Variants in CAMTA1 observed in about 807,000 individuals in gnomAD.
CAMTA1 encodes the protein calmodulin binding transcription activator 1, also known as calmodulin-binding transcription activator 1.
CAMTA1 carries 27 observed loss-of-function variants against 170.9 expected under a neutral mutation model. The ratio of observed to expected loss-of-function variants is 0.16; its 90% CI spans 0.12 to 0.22. The LOEUF is 0.22. Ranked by LOEUF, CAMTA1 falls within the 10% of genes least tolerant of loss-of-function variation. The probability of loss-of-function intolerance (pLI) is 1.00; values close to 1 mark genes in which losing one functional copy is unlikely to be tolerated. For missense variants in CAMTA1, 1,619 were observed against 2,217.2 expected, an observed-to-expected ratio of 0.73 and a Z score of 5.42; for synonymous variants, 833 against 891.5, an observed-to-expected ratio of 0.93 and a Z score of 1.17.
At chr1:7,715,837 G>A (rs1406611127) in intron 11 of CAMTA1, among the ~76,000 whole-genome samples, 3 of 152,160 alleles carry the variant, frequency 2.0e-5, no homozygotes, top group African/African-American at 4.8e-5. Flanking sequence ...ATAAGGAGCC[G>A]AGACATGAAA....
chr1:7,304,767 C>T (rs1675329122), intron 5 of CAMTA1, among the ~76,000 whole-genome samples: 1 of 151,748 alleles, frequency 6.6e-6, no homozygotes, highest in Non-Finnish European at 1.5e-5. Flanking sequence ...TTATATATTA[C>T]AGAAATTAAC....
At chr1:7,206,300 G>T (rs1657726108) in intron 4 of CAMTA1, among the ~76,000 whole-genome samples, 1 of 152,166 alleles carries the variant, frequency 6.6e-6, no homozygotes, top group South Asian at 2.1e-4. Flanking sequence ...CATCCAAGAA[G>T]AATTTATGTC....
chr1:6,922,832 T>C (rs1179946583), intron 3 of CAMTA1, among the ~76,000 whole-genome samples: 1 of 151,776 alleles, frequency 6.6e-6, no homozygotes, highest in Admixed American at 6.6e-5. Context: ...CAAAGCGCCC[T>C]AGGGAGGGCC....
intron 3 of CAMTA1, among the ~76,000 whole-genome samples, chr1:7,090,711 G>A (rs916641943): frequency 4.6e-5 from 7 of 152,050 alleles, no homozygotes; most frequent in East Asian, 1.9e-4. Context: ...CTCTGCTGAC[G>A]TTGCTCTTCT....
intron 3 of CAMTA1, among the ~76,000 whole-genome samples, chr1:6,878,844 CAT>C (rs1243154804): frequency 6.6e-6 from 1 of 152,224 alleles, no homozygotes; most frequent in African/African-American, 2.4e-5. Flanking sequence ...CTTTGTCACA[CAT>C]GTCATTTTCA....
intron 3 of CAMTA1, among the ~76,000 whole-genome samples, chr1:6,884,260 A>G (rs1004869056): frequency 6.7e-6 from 1 of 149,676 alleles, no homozygotes; most frequent in African/African-American, 2.5e-5. Flanking sequence ...GCAGCCTTTT[A>G]CCATGCAGAG....
At chr1:7,449,964 A>AG (rs1315635814) in intron 5 of CAMTA1, among the ~76,000 whole-genome samples, 1 of 151,972 alleles carries the variant, frequency 6.6e-6, no homozygotes, top group Non-Finnish European at 1.5e-5. Context: ...TGGGGGTAGG[A>AG]GGGAGGAGAG....
chr1:7,505,110 A>C (rs930779676), intron 6 of CAMTA1, among the ~76,000 whole-genome samples: 3 of 152,274 alleles, frequency 2.0e-5, no homozygotes, highest in Non-Finnish European at 4.4e-5. Context: ...AAGTGGCACA[A>C]GCACACAGAT....
intron 4 of CAMTA1, among the ~76,000 whole-genome samples, chr1:7,153,548 A>C (rs1646697231): frequency 2.0e-5 from 3 of 152,100 alleles, no homozygotes; most frequent in African/African-American, 7.2e-5. Flanking sequence ...AGACCTCCTG[A>C]AGAAATAACA....
At chr1:7,100,146 G>A (rs964248994) in intron 4 of CAMTA1, among the ~76,000 whole-genome samples, 10 of 152,140 alleles carry the variant, frequency 6.6e-5, no homozygotes, top group African/African-American at 9.7e-5. Flanking sequence ...GCGGGTTAGC[G>A]TGTTGTTCCT....
At position 7,510,980 on chromosome 1, in the gene CAMTA1, G is replaced by C. The variant is rs1182745500; in HGVS notation, c.510+43079G>C. On this transcript the variant is annotated intron_variant, in intron 6 of 22. Coordinates refer to ENST00000303635, the MANE Select transcript of CAMTA1 (RefSeq NM_015215.4). ...CTCTAAAGCCACCTTTTCCAGGGAG[G>C]CTCCTGGGAGCTTCGAGCCTCCCCT... Among the ~76,000 whole-genome samples the C allele has an allele frequency of 2.1e-5, 3 of 144,608 alleles. 1 individual carries two copies. Among genetic ancestry groups the C allele is most frequent in the Non-Finnish European group, 4.6e-5 (3 of 64,576 alleles). 94.9% of individuals were successfully genotyped at this position (144,608 alleles called of 152,430 possible). A position where few individuals can be genotyped will look rare whatever the true frequency, so the allele number is the denominator to read the frequency against.
At chr1:6,829,159 T>A (rs2148552045) in intron 3 of CAMTA1, among the ~76,000 whole-genome samples, 1 of 152,278 alleles carries the variant, frequency 6.6e-6, no homozygotes, top group Non-Finnish European at 1.5e-5. Flanking sequence ...CGCTTCAGCC[T>A]CCCAAGGTGC....
chr1:7,469,410 G>A lies in CAMTA1; in HGVS notation c.510+1509G>A, dbSNP rs1436898955. On this transcript the variant is annotated intron_variant, in intron 6 of 22. Coordinates refer to ENST00000303635, the MANE Select transcript of CAMTA1 (RefSeq NM_015215.4). ...ACCCGAGGCCAGAGTTCTGGCGGCT[G>A]AGTCAGAGTCAGAGCATGTCCTTGA... 3.9e-5 allele frequency among the ~76,000 whole-genome samples: 6 copies of A among 152,334 alleles called. No individual in the cohort carries two copies. The East Asian group carries it at 9.7e-4, about 25-fold the overall frequency.
intron 3 of CAMTA1, among the ~76,000 whole-genome samples, chr1:6,862,465 A>G (rs1473209451): frequency 1.3e-5 from 2 of 152,244 alleles, no homozygotes; most frequent in African/African-American, 4.8e-5. Flanking sequence ...ATTTTGAATA[A>G]TGCCATGAAC....
At chr1:7,194,943 A>G (rs750390873) in intron 4 of CAMTA1, among the ~76,000 whole-genome samples, 1 of 152,212 alleles carries the variant, frequency 6.6e-6, no homozygotes, top group Non-Finnish European at 1.5e-5. Flanking sequence ...CTAGATAACA[A>G]TCATTTGTTT....
At chr1:7,587,440 A>G (rs1298687119) in intron 6 of CAMTA1, among the ~76,000 whole-genome samples, 3 of 151,678 alleles carry the variant, frequency 2.0e-5, no homozygotes, top group South Asian at 4.2e-4. Flanking sequence ...CACGCCCTCC[A>G]CTCTAACCGC....
intron 3 of CAMTA1, among the ~76,000 whole-genome samples, chr1:6,883,102 C>T (rs2149082340): frequency 6.6e-6 from 1 of 152,062 alleles, no homozygotes; most frequent in South Asian, 2.1e-4. Context: ...CTGGGTTGGC[C>T]AGGCTGGTCT....
chr1:7,095,462 G>C (rs932712373), intron 4 of CAMTA1, among the ~76,000 whole-genome samples: 1 of 152,170 alleles, frequency 6.6e-6, no homozygotes, highest in Admixed American at 6.5e-5. Flanking sequence ...AACCCTTCTG[G>C]CAGCTCTGCC....
At position 7,185,236 on chromosome 1, in the gene CAMTA1, T is replaced by C. The variant is rs148059677; in HGVS notation, c.303-64255T>C. Among the ~76,000 whole-genome samples, 600 of 152,302 alleles carry C rather than the reference T, an allele frequency of 3.9e-3. 8 individuals are homozygous for C. The highest frequency in any genetic ancestry group is 0.013 in the African/African-American group (546 of 41,570). On this transcript the variant is annotated intron_variant, in intron 4 of 22. Transcript: ENST00000303635. ...AATGTAGCAGTCTGCTAAGATAGCC[T>C]AGAGGCAATGATGTCTCAGTAGTAA...
Sources: allele counts gnomAD v4.1 joint callset (sites outside exome capture counted in the v4.1 genomes callset), GRCh38; gene constraint gnomAD v4.1.1; transcripts MANE v1.5; gene names NCBI Gene and HGNC (gene_info 2026-07-23, HGNC 2026-07-21).